Variants in TEP1 observed in about 807,000 individuals in gnomAD.
TEP1 encodes telomerase protein component 1.
TEP1 carries 241 observed loss-of-function variants against 306.3 expected under a neutral mutation model. The ratio of observed to expected loss-of-function variants is 0.79; its 90% confidence interval spans 0.71 to 0.88. The LOEUF (loss-of-function observed/expected upper bound fraction) is 0.88. Among genes scored for constraint, TEP1 ranks in the 40% least tolerant of loss-of-function variants. TEP1 has a pLI of 0.00. For synonymous variants in TEP1, 1,289 were observed against 1,305.5 expected (o/e 0.99, Z 0.27); for missense variants, 3,051 against 3,276.1 (o/e 0.93, Z 1.68).
chr14:20,384,494 C>A lies in TEP1; in HGVS notation c.3236G>T (p.Trp1079Leu), dbSNP rs766317083. 3.8e-5 allele frequency: 61 copies of A among 1,614,036 alleles called. No homozygotes were observed. Among genetic ancestry groups the A allele is most frequent in the Middle Eastern group, 1.6e-4 (1 of 6,084 alleles). The stretch of plus-strand genomic sequence containing the variant: ...GGGCCGGCCAGCTGCCACACCCCCC[C>A]ACTCACAGGGGTATCTGTGGGCAAA... ...GITCRRYPCE[W>L]GGVAAGRPYV... Residue 1079 changes from tryptophan to leucine, a missense_variant, in exon 23 of 55, where the codon TGG (tryptophan) becomes TTG (leucine). By Grantham distance (61) the Trp-to-Leu change is moderately conservative (BLOSUM62 -2). This residue lies in a region of TEP1 where 1,507 missense variants were observed against 1,550.5 expected (regional missense o/e 0.97). Coordinates refer to ENST00000262715, the MANE Select transcript of TEP1 (RefSeq NM_007110.5).
At position 20,400,997 on chromosome 14, in the gene TEP1, C is replaced by T. The variant is rs1878672960; in HGVS notation, c.1536G>A (p.Trp512Ter). The change falls in exon 9 of 55, where the codon TGG becomes TGA. Residue 512 changes from tryptophan to a stop codon, truncating the protein, a stop_gained. Coordinates refer to ENST00000262715, the MANE Select transcript of TEP1 (RefSeq NM_007110.5). LOFTEE classifies it high-confidence loss of function. Reference protein sequence around the residue: ...LSLRGNKASVWEELIENGKLP... With the variant: ...LSLRGNKASV Reference sequence around the variant, plus strand: ...AGGTCACTCTACCAATGAGTTCCTCCCAGACCGACGCTTTGTTCCCCCGTA... The same window carrying T: ...AGGTCACTCTACCAATGAGTTCCTCTCAGACCGACGCTTTGTTCCCCCGTA... 6.2e-7 allele frequency: 1 copy of T among 1,614,120 alleles called. No homozygotes were observed. The highest frequency in any genetic ancestry group is 1.7e-5 in the Admixed American group (1 of 60,012).
Position 20,377,678 on chromosome 14 carries a change from C to T in TEP1, c.5797G>A (p.Val1933Met), listed in dbSNP as rs754495676. Residue 1933 changes from valine (V) to methionine (M), a missense_variant, in exon 40 of 55, where the codon GTG becomes ATG. This residue lies in a region of TEP1 where 1,540 missense variants were observed against 1,705.9 expected (regional missense o/e 0.90). Transcript: ENST00000262715. ...GSLSLSPALS[V>M]ALSPDGDRVA... The stretch of plus-strand genomic sequence containing the variant: ...CGATCACCATCTGGGCTGAGTGCCA[C>T]AGAGAGGGCAGGAGAGAGAGAAAGG... The T allele has an allele frequency of 6.2e-7, 1 of 1,614,152 alleles. No homozygotes were observed. The highest frequency in any genetic ancestry group is 2.2e-5 in the East Asian group (1 of 44,880).
intron 38 of TEP1, 34 bp from the exon 39 acceptor site, chr14:20,378,270 CCT>C (rs748469667): frequency 1.2e-6 from 2 of 1,613,226 alleles, no homozygotes; most frequent in South Asian, 2.2e-5. Flanking sequence ...AACGTGAAGA[CCT>C]GCTCTCAGCA....
chr14:20,369,466 G>T lies in TEP1; in HGVS notation c.7534C>A (p.Pro2512Thr). ...GNMWQKKANTPETQTPGTDPS... is the reference protein window; with the variant it reads ...GNMWQKKANTTETQTPGTDPS... ...TCTGTCCCTGGAGTTTGGGTTTCTG[G>T]AGTGTTTGCTTTTTTCTGCCACATG... Residue 2512 changes from proline (P) to threonine (T), a missense_variant, in exon 53 of 55, where the codon CCA becomes ACA. Physicochemically the swap from Pro to Thr is conservative, Grantham distance 38 (BLOSUM62 -1). Transcript: ENST00000262715. 4.3e-6 allele frequency: 7 copies of T among 1,614,144 alleles called. No individual in the cohort carries two copies. Among genetic ancestry groups the T allele is most frequent in the Non-Finnish European group, 5.9e-6 (7 of 1,180,020 alleles).
chr14:20,389,222 T>A lies in TEP1; in HGVS notation c.2525+16A>T. The A allele has an allele frequency of 2.5e-6, 4 of 1,612,198 alleles. No homozygotes were observed. The highest frequency in any genetic ancestry group is 3.4e-6 in the Non-Finnish European group (4 of 1,178,448). On this transcript the variant is annotated intron_variant, in intron 17 of 54. Coordinates refer to ENST00000262715, the MANE Select transcript of TEP1 (RefSeq NM_007110.5). ...CAACAAAGTATCCAACCCTTCAGTA[T>A]CCATTCTGTACTCACTTCAGTATCG... is the stretch of plus-strand genomic sequence containing the variant.
intron 51 of TEP1, 141 bp from the exon 52 acceptor site, chr14:20,369,920 T>TTTTTTC (rs1566436454): frequency 2.4e-6 from 1 of 417,472 alleles, no homozygotes; most frequent in East Asian, 4.4e-5. Flanking sequence ...GTGCGCAAAT[T>TTTTTTC]TTTTTTTTTT....
intron 1 of TEP1, 110 bp from the exon 2 acceptor site, chr14:20,408,573 A>C: frequency 1.2e-6 from 1 of 844,544 alleles, no homozygotes; most frequent in Non-Finnish European, 1.8e-6. Flanking sequence ...ATTTGTGGGT[A>C]GAAAACAACC....
chr14:20,372,019 T>C lies in TEP1; in HGVS notation c.7077-387A>G, dbSNP rs560616674. Reference sequence around the variant, plus strand: ...ATGTGGTCTCCTTACCTTTAGTATCTCTCTACTACCATCCATCTTCCATAC... The same window carrying C: ...ATGTGGTCTCCTTACCTTTAGTATCCCTCTACTACCATCCATCTTCCATAC... On this transcript the variant is annotated intron_variant, in intron 49 of 54. Transcript: ENST00000262715. Among the ~76,000 whole-genome samples the C allele has an allele frequency of 4.6e-5, 7 of 152,202 alleles. No individual in the cohort carries two copies. The South Asian group carries it at 1.2e-3, about 27-fold the overall frequency.
Position 20,381,519 on chromosome 14 carries a change from A to T in TEP1, c.4558+34T>A. The T allele has an allele frequency of 6.2e-7, 1 of 1,613,148 alleles. No homozygotes were observed. ...CCTGGCCTCCAGGCCCAAGCCCCAC[A>T]CTCAGTGCCCAGGCTGACTTGGGCT... is the stretch of plus-strand genomic sequence containing the variant. On this transcript the variant is annotated intron_variant, in intron 31 of 54. Coordinates refer to ENST00000262715, the MANE Select transcript of TEP1 (RefSeq NM_007110.5). The surrounding 1 kb of genome is among the most constrained non-coding windows in gnomAD (Gnocchi z 4.0).
chr14:20,397,249 G>GTAT (rs1878281796), intron 9 of TEP1, among the ~76,000 whole-genome samples: 1 of 152,144 alleles, frequency 6.6e-6, no homozygotes, highest in African/African-American at 2.4e-5. Flanking sequence ...GATTTATGAA[G>GTAT]TATATACTAA....
At chr14:20,405,730 A>G (rs963317707) in intron 3 of TEP1, 145 bp from the exon 4 acceptor site, 7 of 982,896 alleles carry the variant, frequency 7.1e-6, no homozygotes, top group Non-Finnish European at 1.0e-5. Context: ...AAAGGGGATT[A>G]GGGCCAGGCA....
chr14:20,379,224 C>T lies in TEP1; in HGVS notation c.5128-119G>A, dbSNP rs549147449. 1.2e-4 allele frequency: 167 copies of T among 1,342,014 alleles called. No individual in the cohort carries two copies. The African/African-American group carries it at 2.1e-3, about 17-fold the overall frequency. 83.1% of individuals were successfully genotyped at this position (1,342,014 alleles called of 1,614,324 possible). On this transcript the variant is annotated intron_variant, in intron 35 of 54. Coordinates refer to ENST00000262715, the MANE Select transcript of TEP1 (RefSeq NM_007110.5). ...ACAAAGGCCATGAGTCCTTGGCTCT[C>T]TATGTTCCAAGTCAAGCACACGTTC... is the stretch of plus-strand genomic sequence containing the variant.
Position 20,390,738 on chromosome 14 carries a change from T to G in TEP1, c.2277A>C (p.Gly759=), listed in dbSNP as rs577930460. The part of the protein sequence containing the change: ...AQVQEFDEND[G]WSLNTFGKYL... Reference sequence around the variant, plus strand: ...ATTTCCCAAAAGTATTCAGGGACCATCCATCATTTTCATCAAACTCCTGAA... The same window carrying G: ...ATTTCCCAAAAGTATTCAGGGACCAGCCATCATTTTCATCAAACTCCTGAA... Residue 759 remains glycine, a synonymous_variant, in exon 15 of 55, where the codon GGA becomes GGC. Coordinates refer to ENST00000262715, the MANE Select transcript of TEP1 (RefSeq NM_007110.5). 5 of 1,614,222 alleles carry G rather than the reference T, an allele frequency of 3.1e-6. No individual in the cohort carries two copies. The Admixed American group carries it at 6.7e-5, about 22-fold the overall frequency.
chr14:20,371,391 C>T, intron 50 of TEP1, 77 bp from the exon 51 acceptor site: 2 of 1,598,216 alleles, frequency 1.3e-6, no homozygotes, highest in Non-Finnish European at 1.7e-6. Context: ...CTTTAAGACT[C>T]CAGAGTTTTC....
At chr14:20,398,845 T>C (rs145081736) in intron 9 of TEP1, among the ~76,000 whole-genome samples, 8 of 152,306 alleles carry the variant, frequency 5.3e-5, no homozygotes, top group Non-Finnish European at 1.2e-4. Context: ...AAGTCTTATT[T>C]GAATTATAGC....
chr14:20,369,778 C>G lies in TEP1; in HGVS notation c.7319G>C (p.Arg2440Thr), dbSNP rs768184396. ...TTCAAACTCTCCTGATTCCTTTTGC[C>G]TCTGTGAAAGAATAGGTAATTTTGT... ...PKDPGVLSFL[R>T]QKESGEFEER... The change falls in exon 52 of 55, where the codon AGG becomes ACG. Residue 2440 changes from arginine to threonine, a missense_variant and splice_region_variant. This residue lies in a region of TEP1 where 1,540 missense variants were observed against 1,705.9 expected (regional missense o/e 0.90). Coordinates refer to ENST00000262715, the MANE Select transcript of TEP1 (RefSeq NM_007110.5). The G allele has an allele frequency of 2.7e-5, 44 of 1,613,288 alleles. No homozygotes were observed. The Middle Eastern group carries it at 1.5e-3, about 55-fold the overall frequency.
intron 42 of TEP1, 111 bp from the exon 43 acceptor site, chr14:20,375,979 C>A (rs2139020954): frequency 2.0e-6 from 3 of 1,477,270 alleles, no homozygotes; most frequent in Non-Finnish European, 2.8e-6. Context: ...GAAGCACAGG[C>A]AGACAGATCT....
At position 20,384,927 on chromosome 14, in the gene TEP1, G is replaced by A. The variant is rs1004061975; in HGVS notation, c.3107+58C>T. The stretch of plus-strand genomic sequence containing the variant: ...TATACTCTGAATACTGAGGAGAGAA[G>A]ACTGGCCTGTCTGGCCTTTTGGGGA... On this transcript the variant is annotated intron_variant, in intron 21 of 54. Transcript: ENST00000262715. 41 of 1,611,482 alleles carry A rather than the reference G, an allele frequency of 2.5e-5. No homozygotes were observed. The Middle Eastern group carries it at 4.6e-3, about 182-fold the overall frequency.
chr14:20,380,829 C>A, intron 33 of TEP1, 102 bp downstream of exon 33: 1 of 987,992 alleles, frequency 1.0e-6, no homozygotes, highest in South Asian at 1.5e-5. Flanking sequence ...AATCTTTTTT[C>A]CCTGACACCC....
Sources: allele counts gnomAD v4.1 joint callset (sites outside exome capture counted in the v4.1 genomes callset), GRCh38; gene constraint gnomAD v4.1.1; regional missense constraint gnomAD v4.1.1; non-coding constraint Gnocchi (gnomAD v3.1); transcripts MANE v1.5; gene names NCBI Gene and HGNC (gene_info 2026-07-23, HGNC 2026-07-21).